DNAH11: variants seen among roughly 807,000 people sequenced by gnomAD.
DNAH11 encodes dynein axonemal heavy chain 11.
A neutral mutation model predicts 526.0 loss-of-function variants in DNAH11; 442 were observed. That is an observed-to-expected ratio of 0.84 (90% CI 0.78 to 0.91). The LOEUF (loss-of-function observed/expected upper bound fraction) is 0.91. Ranked by LOEUF, DNAH11 falls within the 40% of genes least tolerant of loss-of-function variation. The pLI, the probability that DNAH11 is intolerant of heterozygous loss-of-function variation, is 0.00. For synonymous variants in DNAH11, 2,461 were observed against 1,935.9 expected (o/e 1.27, Z -7.12); for missense variants, 6,989 against 5,448.7 (o/e 1.28, Z -8.90).
chr7:21,750,872 A>G (rs980749593), intron 54 of DNAH11, among the ~76,000 whole-genome samples: 1 of 152,164 alleles, frequency 6.6e-6, no homozygotes. Flanking sequence ...AAAGGCCTGG[A>G]ACATAGAGTT....
intron 25 of DNAH11, 90 bp from the exon 26 acceptor site, chr7:21,635,781 C>T: frequency 9.3e-7 from 1 of 1,076,454 alleles, no homozygotes; most frequent in Non-Finnish European, 1.3e-6. Flanking sequence ...AAGAATCCAG[C>T]AATAAACAGA....
chr7:21,655,820 T>G lies in DNAH11; in HGVS notation c.4945-12T>G. On this transcript the variant is annotated splice_polypyrimidine_tract_variant and intron_variant, in intron 28 of 81. Coordinates refer to ENST00000409508, the MANE Select transcript of DNAH11 (RefSeq NM_001277115.2). ...AGAAATGTTCTTATCTTTTCTAATA[T>G]TCTCATTTTAGGTAACATGTCACCT... 1 of 1,609,520 alleles carries G rather than the reference T, an allele frequency of 6.2e-7. No homozygotes were observed. The highest frequency in any genetic ancestry group is 8.5e-7 in the Non-Finnish European group (1 of 1,177,198).
rs1297566845 is a variant in DNAH11, at chr7:21,789,797, CTTTCTTTCTTT to C, written c.10026+467_10026+477del. On this transcript the variant is annotated intron_variant, in intron 61 of 81. Coordinates refer to ENST00000409508, the MANE Select transcript of DNAH11 (RefSeq NM_001277115.2). ...TCTTTCTTTCTTTCTTTCTTTCTTTCTTTCTTTCTTTTTTCTTTCTTTCTTTCTTTCTTTCT... is the reference window on the plus strand; with the variant it reads ...TCTTTCTTTCTTTCTTTCTTTCTTTCTTTCTTTCTTTCTTTCTTTCTTTCT... Among the ~76,000 whole-genome samples the C allele has an allele frequency of 1.3e-4, 9 of 68,368 alleles. 1 individual carries two copies. Among genetic ancestry groups the C allele is most frequent in the Admixed American group, 1.3e-3 (7 of 5,506 alleles). 44.9% of individuals were successfully genotyped at this position (68,368 alleles called of 152,430 possible). A position where few individuals can be genotyped will look rare whatever the true frequency, so the allele number is the denominator to read the frequency against.
At chr7:21,797,551 T>A (rs1164265497) in intron 61 of DNAH11, among the ~76,000 whole-genome samples, 1 of 148,686 alleles carries the variant, frequency 6.7e-6, no homozygotes, top group African/African-American at 2.6e-5. Context: ...ATGTACAGTT[T>A]ACATATTTAT....
rs959864316 is a variant in DNAH11 at position 21,893,542 on chromosome 7, G to A, written c.12750+875G>A. On this transcript the variant is annotated intron_variant, in intron 77 of 81. Transcript: ENST00000409508. The stretch of plus-strand genomic sequence containing the variant: ...AGGCATGATGTCAGAACCAGAGGCA[G>A]TAGTCTGAGAAAGCAAGGAAAGAAG... Among the ~76,000 whole-genome samples the A allele has an allele frequency of 3.3e-5, 5 of 152,354 alleles. No homozygotes were observed. The East Asian group carries it at 7.7e-4, about 24-fold the overall frequency.
chr7:21,607,157 A>G (rs1785325803), intron 20 of DNAH11, among the ~76,000 whole-genome samples: 1 of 152,128 alleles, frequency 6.6e-6, no homozygotes. Context: ...CTCCCTAGCA[A>G]GCTGGTGTAG....
At chr7:21,724,315 G>T (rs900596759) in intron 44 of DNAH11, among the ~76,000 whole-genome samples, 4 of 152,184 alleles carry the variant, frequency 2.6e-5, no homozygotes, top group Non-Finnish European at 5.9e-5. Flanking sequence ...CATGCATGGG[G>T]TGGTAGAAGG....
At chr7:21,679,781 C>T (rs1783063341) in intron 30 of DNAH11, among the ~76,000 whole-genome samples, 3 of 152,104 alleles carry the variant, frequency 2.0e-5, no homozygotes, top group Admixed American at 6.6e-5. Context: ...TGAATTTCTC[C>T]TCCCTGGATT....
In DNAH11 at chr7:21,884,300, G is replaced by A. The variant is rs868628975; in HGVS notation, c.12397G>A (p.Glu4133Lys). Residue 4133 changes from glutamate (E) to lysine (K), a missense_variant, in exon 76 of 82, where the codon GAA (glutamate) becomes AAA (lysine). Coordinates refer to ENST00000409508, the MANE Select transcript of DNAH11 (RefSeq NM_001277115.2). The stretch of plus-strand genomic sequence containing the variant: ...GTGGTTTTCTCCACAGGTCCCATGG[G>A]AAGATCTCCGTTATCTCTTTGGTGA... ...YLEANSKVPW[E>K]DLRYLFGEIM... is the part of the protein sequence containing the mutation. The A allele has an allele frequency of 6.2e-7, 1 of 1,606,378 alleles. No homozygotes were observed. The highest frequency in any genetic ancestry group is 1.3e-5 in the African/African-American group (1 of 74,698).
intron 8 of DNAH11, among the ~76,000 whole-genome samples, chr7:21,575,172 C>T (rs1452993859): frequency 6.6e-6 from 1 of 152,120 alleles, no homozygotes; most frequent in African/African-American, 2.4e-5. Context: ...CCACCATGCC[C>T]AGCCCCTGCA....
chr7:21,656,197 T>C (rs1373966767), intron 29 of DNAH11, among the ~76,000 whole-genome samples: 3 of 152,094 alleles, frequency 2.0e-5, no homozygotes, highest in African/African-American at 4.8e-5. Flanking sequence ...CCCAGCAGGG[T>C]CTCAGAGACG....
In DNAH11 at chr7:21,807,834, T is replaced by C. The variant is rs755401323; in HGVS notation, c.10166-49T>C. On this transcript the variant is annotated intron_variant, in intron 62 of 81. Coordinates refer to ENST00000409508, the MANE Select transcript of DNAH11 (RefSeq NM_001277115.2). Reference sequence around the variant, plus strand: ...GTAATTGCATTAAGCATTTGTGGAGTTGACATTCAGCCTGCAATTACAGCT... The same window carrying C: ...GTAATTGCATTAAGCATTTGTGGAGCTGACATTCAGCCTGCAATTACAGCT... The C allele has an allele frequency of 4.5e-5, 69 of 1,546,252 alleles. 1 individual carries two copies. The highest frequency in any genetic ancestry group is 5.7e-5 in the Non-Finnish European group (65 of 1,133,308).
At chr7:21,613,115 A>C (rs890165635) in intron 20 of DNAH11, among the ~76,000 whole-genome samples, 1 of 152,070 alleles carries the variant, frequency 6.6e-6, no homozygotes, top group Admixed American at 6.5e-5. Context: ...AGTAAAAAAA[A>C]ATAGTGTGTA....
intron 62 of DNAH11, among the ~76,000 whole-genome samples, chr7:21,806,078 T>C (rs927414128): frequency 2.0e-5 from 3 of 152,222 alleles, no homozygotes; most frequent in Non-Finnish European, 4.4e-5. Flanking sequence ...AATAAAATTA[T>C]AGTGATTTTT....
chr7:21,868,260 G>A (rs1332960893), intron 72 of DNAH11, among the ~76,000 whole-genome samples: 1 of 152,076 alleles, frequency 6.6e-6, no homozygotes, highest in East Asian at 1.9e-4. Flanking sequence ...CTGTATGAGG[G>A]CCAGAGGGCA....
At chr7:21,835,223 C>CA (rs201863939) in intron 65 of DNAH11, among the ~76,000 whole-genome samples, 2,557 of 87,438 alleles carry the variant, frequency 0.029, 33 homozygotes, top group Middle Eastern at 0.046. Flanking sequence ...CAGACTATTC[C>CA]AAAAAAAAAA....
Position 21,765,716 on chromosome 7 carries a change from A to G in DNAH11, c.9102+127A>G, listed in dbSNP as rs957158554. The G allele has an allele frequency of 4.0e-6, 5 of 1,252,914 alleles. No individual in the cohort carries two copies. The East Asian group carries it at 7.7e-5, about 19-fold the overall frequency. The allele number at this position is 1,252,914 out of a possible 1,614,324, so 77.6% of individuals were successfully genotyped here. ...ACAGTACATCTCCTATCAGAAAGCT[A>G]TCCTGATTTGTTTAAGATGCTAAAC... On this transcript the variant is annotated intron_variant, in intron 55 of 81. Transcript: ENST00000409508.
chr7:21,872,143 A>ACAAACAAAC (rs1253841044), intron 73 of DNAH11, among the ~76,000 whole-genome samples: 1 of 147,526 alleles, frequency 6.8e-6, no homozygotes, highest in African/African-American at 2.5e-5. Context: ...AAAAAAAAAA[A>ACAAACAAAC]AAAAAACCTT....
Position 21,861,976 on chromosome 7 carries a change from C to G in DNAH11, c.11326C>G (p.Leu3776Val), listed in dbSNP as rs764408086. Residue 3776 changes from leucine (L) to valine (V), a missense_variant, in exon 69 of 82, where the codon CTG becomes GTG. Transcript: ENST00000409508. ...HAVFLYTSQA[L>V]FEKDKLTFLS... ...TGTCTTCCTCTACACCAGCCAGGCGCTGTTTGAGAAGGACAAGCTCACCTT... is the reference window on the plus strand; with the variant it reads ...TGTCTTCCTCTACACCAGCCAGGCGGTGTTTGAGAAGGACAAGCTCACCTT... The G allele has an allele frequency of 2.5e-6, 4 of 1,613,674 alleles. No individual in the cohort carries two copies. The highest frequency in any genetic ancestry group is 3.4e-6 in the Non-Finnish European group (4 of 1,179,750).
Sources: allele counts gnomAD v4.1 joint callset (sites outside exome capture counted in the v4.1 genomes callset), GRCh38; gene constraint gnomAD v4.1.1; transcripts MANE v1.5; gene names NCBI Gene and HGNC (gene_info 2026-07-23, HGNC 2026-07-21).